SYPL2: variants seen among roughly 807,000 people sequenced by gnomAD.
SYPL2 encodes the protein synaptophysin-like protein 2.
Under a neutral mutation model 31.3 loss-of-function variants are expected in SYPL2, and 24 were observed. The observed-to-expected ratio is 0.77, with a 90% CI of 0.56 to 1.08. The LOEUF is 1.08. SYPL2 is among the 50% of genes least tolerant of loss of function. The probability of loss-of-function intolerance (pLI) is 0.00; values close to 1 mark genes in which losing one functional copy is unlikely to be tolerated. For synonymous variants in SYPL2, 144 were observed against 143.1 expected (o/e 1.01, Z -0.05); for missense variants, 342 against 360.1 (o/e 0.95, Z 0.41).
At chr1:109,477,027 GA>G in intron 4 of SYPL2, 50 bp downstream of exon 4, 1 of 1,605,230 alleles carries the variant, frequency 6.2e-7, no homozygotes. Context: ...AGATGTTTGT[GA>G]GGGGGTTGAG....
intron 1 of SYPL2, 54 bp from the exon 2 acceptor site, chr1:109,467,005 G>A: frequency 6.6e-7 from 1 of 1,525,672 alleles, no homozygotes; most frequent in South Asian, 1.2e-5. Flanking sequence ...GGGGACCAGC[G>A]CCTTCCCAGG....
chr1:109,479,357 A>G (rs1446248983), intron 5 of SYPL2, 21 bp from the exon 6 acceptor site: 2 of 1,611,242 alleles, frequency 1.2e-6, no homozygotes, highest in Non-Finnish European at 1.7e-6. Flanking sequence ...ATTCTCACAA[A>G]TTCCCCTGAT....
chr1:109,470,519 C>T (rs536734022), intron 2 of SYPL2, among the ~76,000 whole-genome samples: 19 of 152,298 alleles, frequency 1.2e-4, no homozygotes, highest in African/African-American at 3.6e-4. Context: ...AAATGACCGT[C>T]GCTGTCCCAG....
intron 2 of SYPL2, among the ~76,000 whole-genome samples, chr1:109,469,762 C>A (rs1225102274): frequency 1.5e-5 from 2 of 137,210 alleles, no homozygotes; most frequent in Non-Finnish European, 3.1e-5. Context: ...GATCATTGAG[C>A]CCAGGAGGTC....
At chr1:109,467,383 A>C (rs1323742950) in intron 2 of SYPL2, among the ~76,000 whole-genome samples, 1 of 152,146 alleles carries the variant, frequency 6.6e-6, no homozygotes, top group African/African-American at 2.4e-5. Flanking sequence ...GCCTTTGCCC[A>C]GGGCGCTCAC....
intron 2 of SYPL2, among the ~76,000 whole-genome samples, chr1:109,473,487 A>C (rs531989308): frequency 2.9e-4 from 44 of 152,314 alleles, no homozygotes; most frequent in South Asian, 2.7e-3. Flanking sequence ...TCGCAGGGGC[A>C]AAGCACAGCT....
rs547481233 is a variant in SYPL2 at position 109,476,723 on chromosome 1, C to G, written c.255-53C>G. ...AACTAGCACAGGACTACTTCTGGGC[C>G]AGGGAGAGAGAGGATTGCCTGAGCT... On this transcript the variant is annotated intron_variant, in intron 3 of 5. Coordinates refer to ENST00000369872, the MANE Select transcript of SYPL2 (RefSeq NM_001040709.2). 2,122 of 1,573,250 alleles carry G rather than the reference C, an allele frequency of 1.3e-3. 4 individuals are homozygous for G. Among genetic ancestry groups the G allele is most frequent in the Non-Finnish European group, 1.8e-3 (2,045 of 1,152,288 alleles).
chr1:109,467,880 C>T (rs1655705369), intron 2 of SYPL2, among the ~76,000 whole-genome samples: 2 of 152,252 alleles, frequency 1.3e-5, no homozygotes, highest in South Asian at 4.1e-4. Flanking sequence ...CAATTCATTT[C>T]TCTGGACTTC....
At chr1:109,473,445 G>T (rs1228910686) in intron 2 of SYPL2, among the ~76,000 whole-genome samples, 1 of 152,218 alleles carries the variant, frequency 6.6e-6, no homozygotes, top group Non-Finnish European at 1.5e-5. Flanking sequence ...AAGGCCAGGC[G>T]CTGCAAGCCG....
Position 109,466,742 on chromosome 1 carries a change from G to C in SYPL2, c.-102G>C. The C allele has an allele frequency of 5.4e-6, 7 of 1,301,328 alleles. No individual in the cohort carries two copies. Among genetic ancestry groups the C allele is most frequent in the Non-Finnish European group, 7.0e-6 (7 of 1,004,290 alleles). 80.6% of individuals were successfully genotyped at this position (1,301,328 alleles called of 1,614,324 possible). A position where few individuals can be genotyped will look rare whatever the true frequency, so the allele number is the denominator to read the frequency against. ...GCTCGCGCTCCGGCCCCGCTCGCCT[G>C]CTCTGCCCCGGACCTGCAGCTCCCC... On this transcript the variant is annotated 5_prime_UTR_variant, in exon 1 of 6. Transcript: ENST00000369872.
Position 109,481,252 on chromosome 1 carries a change from G to A in SYPL2, c.*1704G>A, listed in dbSNP as rs1183927487. ...TCAGTGAAAGAATTAGTTTTTGTTT[G>A]TTTGTTTAAGATTTTGGGGAAGAGA... On this transcript the variant is annotated 3_prime_UTR_variant, in exon 6 of 6. Transcript: ENST00000369872. 6.6e-6 allele frequency: 1 copy of A among 152,594 alleles called. No individual in the cohort carries two copies. The highest frequency in any genetic ancestry group is 2.4e-5 in the African/African-American group (1 of 41,438). The allele number at this position is 152,594 out of a possible 1,614,324, so 9.5% of individuals were successfully genotyped here. A position where few individuals can be genotyped will look rare whatever the true frequency, so the allele number is the denominator to read the frequency against.
rs1360105278 is a variant in SYPL2, at chr1:109,478,126, G to A, written c.648+117G>A. 60 of 1,475,646 alleles carry A rather than the reference G, an allele frequency of 4.1e-5. No homozygotes were observed. The highest frequency in any genetic ancestry group is 4.8e-5 in the Non-Finnish European group (54 of 1,114,044). 91.4% of individuals were successfully genotyped at this position (1,475,646 alleles called of 1,614,324 possible). On this transcript the variant is annotated intron_variant, in intron 5 of 5. Coordinates refer to ENST00000369872, the MANE Select transcript of SYPL2 (RefSeq NM_001040709.2). This position sits in a 1 kb window ranked among gnomAD's most constrained non-coding sequence, Gnocchi z 4.0. ...CCAGAGCTGGTGTCCCCTGCACCTG[G>A]AGCTGGTGCCCTCACTGCGCTTCAT...
rs796290232 is a variant in SYPL2 at position 109,479,046 on chromosome 1, G to A, written c.649-332G>A. Among the ~76,000 whole-genome samples, 13 of 152,348 alleles carry A rather than the reference G, an allele frequency of 8.5e-5. 2 individuals are homozygous for A. Among genetic ancestry groups the A allele is most frequent in the African/African-American group, 2.4e-4 (10 of 41,574 alleles). ...GAAGGTGCTCCGAACAGGGCCTCAC[G>A]CGTGCTGTGGGAGGCGCCCCAGGGC... On this transcript the variant is annotated intron_variant, in intron 5 of 5. Coordinates refer to ENST00000369872, the MANE Select transcript of SYPL2 (RefSeq NM_001040709.2).
At chr1:109,467,863 C>T (rs937693480) in intron 2 of SYPL2, among the ~76,000 whole-genome samples, 1 of 152,226 alleles carries the variant, frequency 6.6e-6, no homozygotes, top group Non-Finnish European at 1.5e-5. Context: ...AGCTATGTCA[C>T]CTTGGGCAAT....
Position 109,481,872 on chromosome 1 carries a change from G to A in SYPL2, c.*2324G>A, listed in dbSNP as rs927268053. On this transcript the variant is annotated 3_prime_UTR_variant, in exon 6 of 6. Coordinates refer to ENST00000369872, the MANE Select transcript of SYPL2 (RefSeq NM_001040709.2). ...CACTGCTTTGCAAAGTGGGGCCTGA[G>A]GTAGAAGAAGGTGTCTGGTTTCTCC... 2 of 152,636 alleles carry A rather than the reference G, an allele frequency of 1.3e-5. No homozygotes were observed. The highest frequency in any genetic ancestry group is 2.1e-4 in the South Asian group (1 of 4,824). 9.5% of individuals were successfully genotyped at this position (152,636 alleles called of 1,614,324 possible).
chr1:109,474,822 A>G (rs974232511), intron 2 of SYPL2, among the ~76,000 whole-genome samples: 2 of 152,252 alleles, frequency 1.3e-5, no homozygotes, highest in Admixed American at 1.3e-4. Flanking sequence ...GGCAGCATCA[A>G]CAGATGACAA....
intron 2 of SYPL2, 191 bp from the exon 3 acceptor site, chr1:109,475,390 G>C (rs983786002): frequency 1.4e-6 from 1 of 705,316 alleles, no homozygotes; most frequent in Non-Finnish European, 2.2e-6. Context: ...TTGGCTATTT[G>C]GTCCAGCAGC....
chr1:109,477,787 A>T, intron 4 of SYPL2, 31 bp from the exon 5 acceptor site: 1 of 1,559,032 alleles, frequency 6.4e-7, no homozygotes, highest in Non-Finnish European at 8.7e-7. Flanking sequence ...GGCCTTTCTG[A>T]GTGTATTTCC....
At chr1:109,475,478 C>A (rs937843547) in intron 2 of SYPL2, 103 bp from the exon 3 acceptor site, 5 of 1,452,638 alleles carry the variant, frequency 3.4e-6, no homozygotes, top group African/African-American at 1.4e-5. Flanking sequence ...CACTCTCCCC[C>A]ACTCCCGCAC....
Sources: gnomAD v4.1 joint callset for allele counts (sites outside exome capture counted in the v4.1 genomes callset) on GRCh38, gnomAD v4.1.1 for gene constraint, Gnocchi (gnomAD v3.1) non-coding constraint, MANE v1.5 for transcripts, NCBI Gene and HGNC (gene_info 2026-07-23, HGNC 2026-07-21) for gene names.